The following NPAS3 variants were observed in gnomAD, a reference collection of about 807,000 sequenced individuals.
NPAS3 encodes the protein neuronal PAS domain protein 3.
A neutral mutation model predicts 73.1 loss-of-function variants in NPAS3; 14 were observed. That is an observed-to-expected ratio of 0.19 (90% CI 0.13 to 0.30). The LOEUF is 0.30. NPAS3 is among the 10% of genes least tolerant of loss of function. NPAS3 has a pLI of 1.00. For missense variants in NPAS3, 1,096 were observed against 1,250.0 expected (o/e 0.88, Z 1.86); for synonymous variants, 620 against 541.5 (o/e 1.14, Z -2.01).
chr14:33,103,495 A>G (rs1347361286), intron 2 of NPAS3, among the ~76,000 whole-genome samples: 1 of 152,228 alleles, frequency 6.6e-6, no homozygotes, highest in Non-Finnish European at 1.5e-5. Flanking sequence ...CCTTGAGGGT[A>G]AAGGTCCTAA....
chr14:33,560,382 A>G (rs2055582460), intron 5 of NPAS3, 172 bp downstream of exon 5: 1 of 474,066 alleles, frequency 2.1e-6, no homozygotes, highest in East Asian at 3.2e-5. Flanking sequence ...TCAGTGTTGA[A>G]CATTCAGAAT....
At chr14:33,545,655 G>A (rs2054809589) in intron 4 of NPAS3, among the ~76,000 whole-genome samples, 1 of 152,098 alleles carries the variant, frequency 6.6e-6, no homozygotes, top group African/African-American at 2.4e-5. Flanking sequence ...TGGCCACATA[G>A]GCTCTTTAGC....
At chr14:33,130,362 C>G (rs2043590164) in intron 2 of NPAS3, among the ~76,000 whole-genome samples, 1 of 152,110 alleles carries the variant, frequency 6.6e-6, no homozygotes. Flanking sequence ...TTTGCCAACA[C>G]AAGTGAAGAT....
chr14:33,530,922 A>T (rs963712698), intron 4 of NPAS3, among the ~76,000 whole-genome samples: 1 of 152,066 alleles, frequency 6.6e-6, no homozygotes, highest in Admixed American at 6.6e-5. Flanking sequence ...TGGGGTGAGG[A>T]ACTGCACATG....
At chr14:33,325,132 CT>C (rs34126578) in intron 3 of NPAS3, among the ~76,000 whole-genome samples, 19,642 of 151,962 alleles carry the variant, frequency 0.13, 1,340 homozygotes, top group East Asian at 0.15. Context: ...ACCAGATCAG[CT>C]TGGGAGGGTT....
At chr14:33,244,316 CTGTTTT>C in intron 3 of NPAS3, among the ~76,000 whole-genome samples, 1 of 152,130 alleles carries the variant, frequency 6.6e-6, no homozygotes, top group African/African-American at 2.4e-5. Flanking sequence ...AAATTATTTT[CTGTTTT>C]TAAGTAGTTA....
intron 2 of NPAS3, among the ~76,000 whole-genome samples, chr14:33,111,528 G>T (rs1435665025): frequency 6.6e-6 from 1 of 151,982 alleles, no homozygotes; most frequent in Non-Finnish European, 1.5e-5. Flanking sequence ...CTATTCCATT[G>T]TTGCCTTAAT....
At chr14:33,013,691 T>G (rs759956571) in intron 1 of NPAS3, among the ~76,000 whole-genome samples, 1 of 152,196 alleles carries the variant, frequency 6.6e-6, no homozygotes, top group Non-Finnish European at 1.5e-5. Flanking sequence ...CATCAACATT[T>G]TCTATAGTTG....
At chr14:33,125,507 T>A (rs1595501541) in intron 2 of NPAS3, among the ~76,000 whole-genome samples, 2 of 152,248 alleles carry the variant, frequency 1.3e-5, no homozygotes, top group South Asian at 2.1e-4. Flanking sequence ...AGAAGTGTGA[T>A]CAATCTGTGA....
Position 33,770,666 on chromosome 14 carries a change from G to A in NPAS3, c.853-3671G>A, listed in dbSNP as rs144896224. Among the ~76,000 whole-genome samples the A allele has an allele frequency of 4.5e-3, 691 of 152,290 alleles. 2 individuals are homozygous for A. The highest frequency in any genetic ancestry group is 0.015 in the African/African-American group (641 of 41,568). On this transcript the variant is annotated intron_variant, in intron 7 of 11. Transcript: ENST00000356141. ...AGTAATCCCAGCACTTTGGGAGGCC[G>A]AGGTGGGCATATCAATTGAGGTCAG... is the stretch of plus-strand genomic sequence containing the variant.
intron 1 of NPAS3, among the ~76,000 whole-genome samples, chr14:33,034,126 G>A (rs2040085659): frequency 6.6e-6 from 1 of 151,524 alleles, no homozygotes; most frequent in Non-Finnish European, 1.5e-5. Flanking sequence ...TTTTATATGG[G>A]GTTAATGGTT....
intron 2 of NPAS3, among the ~76,000 whole-genome samples, chr14:33,073,864 A>G (rs1212100642): frequency 6.6e-6 from 1 of 152,214 alleles, no homozygotes; most frequent in Non-Finnish European, 1.5e-5. Flanking sequence ...CTTTTGTGAT[A>G]ATCATAAAGT....
At chr14:33,136,339 GT>G (rs201568907) in intron 2 of NPAS3, among the ~76,000 whole-genome samples, 4,132 of 152,200 alleles carry the variant, frequency 0.027, 183 homozygotes, top group African/African-American at 0.094. Flanking sequence ...GATTACAGGT[GT>G]GAGCCACTGC....
At chr14:32,948,064 C>A (rs575002646) in intron 1 of NPAS3, among the ~76,000 whole-genome samples, 2 of 152,194 alleles carry the variant, frequency 1.3e-5, no homozygotes, top group South Asian at 4.2e-4. Context: ...TTAAAGTGCT[C>A]TTCATTTAAA....
At chr14:33,199,660 C>T (rs920194503) in intron 2 of NPAS3, among the ~76,000 whole-genome samples, 15 of 143,744 alleles carry the variant, frequency 1.0e-4, no homozygotes, top group Non-Finnish European at 2.1e-4. Flanking sequence ...TCCTCCTTAC[C>T]TTCCTCTACC....
chr14:33,035,392 T>C (rs1400367031), intron 1 of NPAS3, among the ~76,000 whole-genome samples: 1 of 152,172 alleles, frequency 6.6e-6, no homozygotes, highest in African/African-American at 2.4e-5. Flanking sequence ...CTGGTGTTTT[T>C]TGACATTTCA....
At chr14:33,152,429 C>A (rs1026798819) in intron 2 of NPAS3, among the ~76,000 whole-genome samples, 5 of 152,082 alleles carry the variant, frequency 3.3e-5, no homozygotes, top group Non-Finnish European at 7.4e-5. Context: ...ACTTAGCTGG[C>A]CTCTGTAGGA....
At chr14:33,638,471 A>C (rs1391519411) in intron 5 of NPAS3, among the ~76,000 whole-genome samples, 1 of 152,012 alleles carries the variant, frequency 6.6e-6, no homozygotes, top group African/African-American at 2.4e-5. Flanking sequence ...TTAGTTTCCT[A>C]ATCTGTGAAA....
At position 33,573,629 on chromosome 14, in the gene NPAS3, G is replaced by C. The variant is rs529666741; in HGVS notation, c.558+13419G>C. Among the ~76,000 whole-genome samples the C allele has an allele frequency of 2.8e-4, 43 of 152,340 alleles. 1 individual carries two copies. Among genetic ancestry groups the C allele is most frequent in the African/African-American group, 7.9e-4 (33 of 41,574 alleles). On this transcript the variant is annotated intron_variant, in intron 5 of 11. Coordinates refer to ENST00000356141, the Ensembl canonical transcript of NPAS3. The stretch of plus-strand genomic sequence containing the variant: ...ATGTATGCAAAGCTATTTCTTATGG[G>C]AGAGATGAGTCTGGAAAGTTAGGAC...
Sources: allele counts gnomAD v4.1 joint callset (sites outside exome capture counted in the v4.1 genomes callset), GRCh38; gene constraint gnomAD v4.1.1; transcripts MANE v1.5; gene names NCBI Gene and HGNC (gene_info 2026-07-23, HGNC 2026-07-21).